Variants in EIF2B3 observed in about 807,000 individuals in gnomAD.
The protein encoded by EIF2B3 is translation initiation factor eIF2B subunit gamma.
EIF2B3 carries 20 observed loss-of-function variants against 54.1 expected under a neutral mutation model. The observed-to-expected ratio is 0.37, with a 90% CI of 0.26 to 0.54. The LOEUF (loss-of-function observed/expected upper bound fraction) is 0.54. Among genes scored for constraint, EIF2B3 ranks in the 20% least tolerant of loss-of-function variants. The pLI is 0.86. For missense variants in EIF2B3, 448 were observed against 547.8 expected (o/e 0.82, Z 1.82); for synonymous variants, 153 against 188.1 (o/e 0.81, Z 1.52).
At chr1:44,890,320 G>A (rs1442317387) in intron 6 of EIF2B3, among the ~76,000 whole-genome samples, 1 of 152,120 alleles carries the variant, frequency 6.6e-6, no homozygotes, top group East Asian at 1.9e-4. Context: ...ACTGGCAAAT[G>A]AAAAATCTTA....
At chr1:44,937,973 C>T (rs1197407900) in intron 4 of EIF2B3, among the ~76,000 whole-genome samples, 1 of 107,712 alleles carries the variant, frequency 9.3e-6, no homozygotes, top group African/African-American at 4.3e-5. Flanking sequence ...GAATTTGATC[C>T]TGCCCTCTTA....
intron 11 of EIF2B3, among the ~76,000 whole-genome samples, chr1:44,857,360 T>A (rs1654465157): frequency 6.6e-6 from 1 of 152,082 alleles, no homozygotes; most frequent in African/African-American, 2.4e-5. Flanking sequence ...AGAAACGCCA[T>A]CTCTACTAAA....
In EIF2B3 at chr1:44,897,349, T is replaced by C. The variant is rs771353671; in HGVS notation, c.656+6A>G. ...GTAGGTTTGACTCTACCACCCTTTT[T>C]CTTACCCATTTTCCATTAGGAAATC... is the stretch of plus-strand genomic sequence containing the variant. On this transcript the variant is annotated splice_donor_region_variant and intron_variant, in intron 6 of 11. Coordinates refer to ENST00000360403, the MANE Select transcript of EIF2B3 (RefSeq NM_020365.5). 6.2e-7 allele frequency: 1 copy of C among 1,609,912 alleles called. No homozygotes were observed. Among genetic ancestry groups the C allele is most frequent in the Admixed American group, 1.7e-5 (1 of 59,950 alleles).
At chr1:44,880,790 G>A (rs1202932711) in intron 7 of EIF2B3, among the ~76,000 whole-genome samples, 5 of 151,942 alleles carry the variant, frequency 3.3e-5, no homozygotes, top group Non-Finnish European at 5.9e-5. Context: ...GAGAAACCCC[G>A]TCTCTACTAA....
chr1:44,978,068 C>T (rs139882399), intron 3 of EIF2B3, among the ~76,000 whole-genome samples: 1 of 152,044 alleles, frequency 6.6e-6, no homozygotes, highest in Non-Finnish European at 1.5e-5. Flanking sequence ...CCCATCTATA[C>T]TAAAAATACA....
chr1:44,912,642 A>G (rs1055153855), intron 5 of EIF2B3, among the ~76,000 whole-genome samples: 4 of 152,016 alleles, frequency 2.6e-5, no homozygotes, highest in African/African-American at 9.7e-5. Flanking sequence ...GACCAAATCA[A>G]TCCTTCAAGT....
intron 3 of EIF2B3, among the ~76,000 whole-genome samples, chr1:44,950,834 ATG>A (rs1644153222): frequency 6.6e-6 from 1 of 152,100 alleles, no homozygotes. Context: ...GATTACAGGC[ATG>A]TGTCACCACA....
At chr1:44,865,051 T>A (rs181567018) in intron 10 of EIF2B3, among the ~76,000 whole-genome samples, 2 of 152,278 alleles carry the variant, frequency 1.3e-5, no homozygotes, top group East Asian at 3.9e-4. Flanking sequence ...AAACCCTGTC[T>A]CTACTAAAAA....
chr1:44,929,838 C>T (rs1032573123), intron 4 of EIF2B3, among the ~76,000 whole-genome samples: 2 of 152,142 alleles, frequency 1.3e-5, no homozygotes, highest in African/African-American at 4.8e-5. Context: ...CCTCTCAGAC[C>T]CTCCACCTTG....
chr1:44,885,943 C>T (rs1018119445), intron 6 of EIF2B3, among the ~76,000 whole-genome samples: 2 of 138,184 alleles, frequency 1.4e-5, no homozygotes, highest in Non-Finnish European at 3.1e-5. Flanking sequence ...GATGGGGTTT[C>T]ACCATGTTGG....
intron 5 of EIF2B3, among the ~76,000 whole-genome samples, chr1:44,897,878 AGTT>A (rs1656029679): frequency 6.6e-6 from 1 of 151,616 alleles, no homozygotes; most frequent in Non-Finnish European, 1.5e-5. Flanking sequence ...CTGAAACTAT[AGTT>A]GTACACCACC....
chr1:44,872,728 A>G (rs1402253984), intron 10 of EIF2B3, among the ~76,000 whole-genome samples: 1 of 152,036 alleles, frequency 6.6e-6, no homozygotes, highest in East Asian at 1.9e-4. Context: ...TCCAAGATTC[A>G]GCTCAAGGGT....
chr1:44,900,601 T>TA (rs1479321721), intron 5 of EIF2B3, among the ~76,000 whole-genome samples: 2 of 152,076 alleles, frequency 1.3e-5, no homozygotes, highest in African/African-American at 4.8e-5. Context: ...CATCACACAA[T>TA]ATACCATGTA....
At chr1:44,950,738 G>A (rs767402441) in intron 3 of EIF2B3, among the ~76,000 whole-genome samples, 1 of 151,978 alleles carries the variant, frequency 6.6e-6, no homozygotes, top group Non-Finnish European at 1.5e-5. Context: ...GCCCAGACTG[G>A]AGTGCAATGG....
chr1:44,939,838 A>G (rs535842260), intron 4 of EIF2B3, among the ~76,000 whole-genome samples: 1 of 152,110 alleles, frequency 6.6e-6, no homozygotes, highest in South Asian at 2.1e-4. Context: ...TTATAAATAG[A>G]GTACAAAGGA....
chr1:44,958,773 A>G, intron 3 of EIF2B3: 1 of 1,493,584 alleles, frequency 6.7e-7, no homozygotes, highest in Non-Finnish European at 9.3e-7. Context: ...AGAGAAATAT[A>G]AAGCTATGGT....
chr1:44,971,372 G>GA lies in EIF2B3; in HGVS notation c.294+6942dup, dbSNP rs35558705. 1.7e-3 allele frequency among the ~76,000 whole-genome samples: 199 copies of GA among 118,016 alleles called. 1 individual carries two copies. The highest frequency in any genetic ancestry group is 1.6e-3 in the Non-Finnish European group (84 of 53,600). The allele number at this position is 118,016 out of a possible 152,430, so 77.4% of individuals were successfully genotyped here. On this transcript the variant is annotated intron_variant, in intron 3 of 11. Transcript: ENST00000360403. ...GCTACAGAGCGAGACTCCGTCTCCAGAAAAAAAAAAAAAAAAAATCAAAGT... is the reference window on the plus strand; with the variant it reads ...GCTACAGAGCGAGACTCCGTCTCCAGAAAAAAAAAAAAAAAAAAATCAAAGT...
In EIF2B3 at chr1:44,922,161, G is replaced by A. The variant is rs867841057; in HGVS notation, c.566+4467C>T. ...ACTCCTGATCTCAAATGATTCACCC[G>A]CCTTGGCCTCCCAAAGTGCTGGAAT... On this transcript the variant is annotated intron_variant, in intron 5 of 11. Coordinates refer to ENST00000360403, the MANE Select transcript of EIF2B3 (RefSeq NM_020365.5). Among the ~76,000 whole-genome samples the A allele has an allele frequency of 5.3e-5, 8 of 151,204 alleles. No homozygotes were observed. In the East Asian group the frequency reaches 1.4e-3, roughly 26 times the overall value.
At chr1:44,925,292 T>C (rs756404123) in intron 5 of EIF2B3, 1 of 152,156 alleles carries the variant, frequency 6.6e-6, no homozygotes, top group South Asian at 2.1e-4. Context: ...CTCAAATGTC[T>C]GTCAGAAGAT....
Sources: allele counts gnomAD v4.1 joint callset (sites outside exome capture counted in the v4.1 genomes callset), GRCh38; gene constraint gnomAD v4.1.1; transcripts MANE v1.5; gene names NCBI Gene and HGNC (gene_info 2026-07-23, HGNC 2026-07-21).